The following DIPK1C variants were observed in gnomAD, a reference collection of about 807,000 sequenced individuals.
DIPK1C encodes familial non-conventional Alzheimer's dementia.
In DIPK1C, 33 loss-of-function variants were observed where a neutral mutation model predicts 28.0. The ratio of observed to expected loss-of-function variants is 1.18; its 90% CI spans 0.89 to 1.58. The LOEUF is 1.58. DIPK1C is among the 40% of genes most tolerant of loss of function. The probability of loss-of-function intolerance (pLI) is 0.00; values close to 1 mark genes in which losing one functional copy is unlikely to be tolerated. For synonymous variants in DIPK1C, 255 were observed against 248.8 expected, an observed-to-expected ratio of 1.02 and a Z score of -0.23; for missense variants, 569 against 568.5, an observed-to-expected ratio of 1.00 and a Z score of -0.01.
At chr18:74,455,423 G>A (rs544242134) in intron 1 of DIPK1C, among the ~76,000 whole-genome samples, 1 of 152,018 alleles carries the variant, frequency 6.6e-6, no homozygotes, top group Non-Finnish European at 1.5e-5. Context: ...AGAAAACCAG[G>A]GGGGAAAAAT....
intron 1 of DIPK1C, among the ~76,000 whole-genome samples, chr18:74,456,841 A>C (rs1239712609): frequency 6.6e-6 from 1 of 152,164 alleles, no homozygotes; most frequent in African/African-American, 2.4e-5. Context: ...TCTGGCGAAA[A>C]GGGGAGAGAC....
In DIPK1C at chr18:74,457,107, G is replaced by A; in HGVS notation, c.153C>T (p.Ser51=). The change falls in exon 1 of 4, where the codon TCC becomes TCT. Residue 51 remains serine (S), a synonymous_variant. Coordinates refer to ENST00000343998, the MANE Select transcript of DIPK1C (RefSeq NM_001044369.3). ...GGCTCTTCTCGTCGGTGCAGCGCTC[G>A]GAGAGGACACCCGGGTGCGCGCGGA... ...LLLRAHPGVL[S]ERCTDEKSRR... 1.4e-6 allele frequency: 2 copies of A among 1,467,988 alleles called. No individual in the cohort carries two copies. The highest frequency in any genetic ancestry group is 1.8e-6 in the Non-Finnish European group (2 of 1,118,370). The allele number at this position is 1,467,988 out of a possible 1,614,324, so 90.9% of individuals were successfully genotyped here. A position where few individuals can be genotyped will look rare whatever the true frequency, so the allele number is the denominator to read the frequency against.
At position 74,436,500 on chromosome 18, in the gene DIPK1C, G is replaced by T; in HGVS notation, c.*1C>A. The T allele has an allele frequency of 6.3e-7, 1 of 1,595,364 alleles. No individual in the cohort carries two copies. The highest frequency in any genetic ancestry group is 8.5e-7 in the Non-Finnish European group (1 of 1,171,664). On this transcript the variant is annotated 3_prime_UTR_variant, in exon 4 of 4. Coordinates refer to ENST00000343998, the MANE Select transcript of DIPK1C (RefSeq NM_001044369.3). ...TGAGCATGTTTAAGGCCAGAGAGTG[G>T]CTACTTCTCTGCCTCCTGCAGCTCC... is the stretch of plus-strand genomic sequence containing the variant.
upstream of DIPK1C, among the ~76,000 whole-genome samples, chr18:74,459,496 C>G (rs4892221): frequency 6.6e-6 from 1 of 152,132 alleles, no homozygotes; most frequent in East Asian, 1.9e-4. Context: ...GTTGATACCA[C>G]AGGAAGTTTT....
intron 1 of DIPK1C, among the ~76,000 whole-genome samples, chr18:74,452,020 C>G (rs926425084): frequency 6.6e-6 from 1 of 152,218 alleles, no homozygotes; most frequent in African/African-American, 2.4e-5. Flanking sequence ...AAAATCATCT[C>G]ATACAAAGCC....
intron 1 of DIPK1C, among the ~76,000 whole-genome samples, chr18:74,449,098 G>T (rs1986338972): frequency 6.6e-6 from 1 of 151,630 alleles, no homozygotes; most frequent in Non-Finnish European, 1.5e-5. Context: ...AACAGAGCAA[G>T]AATCTGTCTC....
intron 3 of DIPK1C, among the ~76,000 whole-genome samples, chr18:74,437,726 G>A (rs748550800): frequency 1.2e-4 from 18 of 152,134 alleles, no homozygotes; most frequent in South Asian, 2.1e-4. Flanking sequence ...AGGCTAGACC[G>A]TGATCTCAGG....
At chr18:74,459,916 C>T (rs2144537989), upstream of DIPK1C, among the ~76,000 whole-genome samples, 1 of 152,284 alleles carries the variant, frequency 6.6e-6, no homozygotes. Flanking sequence ...GGCTCCCGAT[C>T]CCTGGGCTGA....
chr18:74,436,162 A>C lies in DIPK1C; in HGVS notation c.*339T>G, dbSNP rs1276700024. 2 of 312,632 alleles carry C rather than the reference A, an allele frequency of 6.4e-6. No homozygotes were observed. The highest frequency in any genetic ancestry group is 1.3e-4 in the East Asian group (2 of 15,868). 19.4% of individuals were successfully genotyped at this position (312,632 alleles called of 1,614,324 possible). A position where few individuals can be genotyped will look rare whatever the true frequency, so the allele number is the denominator to read the frequency against. ...TTTTAACGTGGTAACGATTTACAGGAAAGAACAGCTGGAACTCGTGCTGGG... is the reference window on the plus strand; with the variant it reads ...TTTTAACGTGGTAACGATTTACAGGCAAGAACAGCTGGAACTCGTGCTGGG... On this transcript the variant is annotated 3_prime_UTR_variant, in exon 4 of 4. Transcript: ENST00000343998.
At chr18:74,454,471 T>C (rs1986462989) in intron 1 of DIPK1C, among the ~76,000 whole-genome samples, 1 of 152,218 alleles carries the variant, frequency 6.6e-6, no homozygotes, top group Non-Finnish European at 1.5e-5. Flanking sequence ...CCCCCGCTAC[T>C]GGGGGTGGGG....
In DIPK1C at chr18:74,436,708, G is replaced by A. The variant is rs373904492; in HGVS notation, c.1053C>T (p.Asp351=). 117 of 1,612,504 alleles carry A rather than the reference G, an allele frequency of 7.3e-5. No individual in the cohort carries two copies. The South Asian group carries it at 1.2e-3, about 16-fold the overall frequency. The change falls in exon 4 of 4, where the codon GAC becomes GAT. Residue 351 remains aspartate (D), a synonymous_variant. Coordinates refer to ENST00000343998, the MANE Select transcript of DIPK1C (RefSeq NM_001044369.3). ...CGGAAAACCAATGGCGAAATATTTTGTCACAGATGACCTGAGGGAAAGAAG... is the reference window on the plus strand; with the variant it reads ...CGGAAAACCAATGGCGAAATATTTTATCACAGATGACCTGAGGGAAAGAAG... ...RVNNNLQVIC[D]KIFRHWFSAP...
At chr18:74,459,798 G>A (rs1242788912), upstream of DIPK1C, among the ~76,000 whole-genome samples, 1 of 152,124 alleles carries the variant, frequency 6.6e-6, no homozygotes, top group Admixed American at 6.5e-5. Flanking sequence ...GGAGAAATTT[G>A]CCGTTTCTCC....
upstream of DIPK1C, among the ~76,000 whole-genome samples, chr18:74,460,109 A>AATCTGCTGAAGGGGAGG (rs1405416464): frequency 3.9e-5 from 6 of 152,138 alleles, no homozygotes; most frequent in African/African-American, 1.4e-4. Context: ...ACAAGGGGAG[A>AATCTGCTGAAGGGGAGG]ATCTGCTGAA....
At chr18:74,464,504 A>G in the DIPK1C span, among the ~76,000 whole-genome samples, 2 of 152,250 alleles carry the variant, frequency 1.3e-5, no homozygotes, top group African/African-American at 4.8e-5. Context: ...GCTACCATCA[A>G]TAAACTTACA....
chr18:74,441,634 C>T (rs1986125919), intron 3 of DIPK1C, among the ~76,000 whole-genome samples: 1 of 152,266 alleles, frequency 6.6e-6, no homozygotes, highest in South Asian at 2.1e-4. Context: ...TCTCAGGATT[C>T]TCATAGTGTA....
chr18:74,454,191 G>GA (rs11412987), intron 1 of DIPK1C, among the ~76,000 whole-genome samples: 63,035 of 152,018 alleles, frequency 0.41, 14,251 homozygotes, highest in Middle Eastern at 0.54. Context: ...GTCTGACCAG[G>GA]AAAATCCAAG....
intron 1 of DIPK1C, among the ~76,000 whole-genome samples, chr18:74,453,549 C>T (rs1986443706): frequency 6.6e-6 from 1 of 152,218 alleles, no homozygotes; most frequent in African/African-American, 2.4e-5. Context: ...CCTATTAAAA[C>T]CGAATCTCTA....
chr18:74,447,515 G>A lies in DIPK1C; in HGVS notation c.199-232C>T, dbSNP rs569661412. 3.3e-5 allele frequency among the ~76,000 whole-genome samples: 5 copies of A among 152,190 alleles called. No homozygotes were observed. The highest frequency in any genetic ancestry group is 7.3e-5 in the Non-Finnish European group (5 of 68,030). ...TACACGACTCAGTCAGGCCTAGGACGGGTCTACAGAATCAGGACACCTGCG... is the reference window on the plus strand; with the variant it reads ...TACACGACTCAGTCAGGCCTAGGACAGGTCTACAGAATCAGGACACCTGCG... On this transcript the variant is annotated intron_variant, in intron 1 of 3. Transcript: ENST00000343998. The surrounding 1 kb of genome is among the most constrained non-coding windows in gnomAD (Gnocchi z 4.1).
At chr18:74,459,722 G>A (rs1599045240), upstream of DIPK1C, among the ~76,000 whole-genome samples, 1 of 152,174 alleles carries the variant, frequency 6.6e-6, no homozygotes, top group Non-Finnish European at 1.5e-5. Context: ...GTCCTCCGCT[G>A]GTGGGAAAAT....
Sources: allele counts gnomAD v4.1 joint callset (sites outside exome capture counted in the v4.1 genomes callset), GRCh38; gene constraint gnomAD v4.1.1; non-coding constraint Gnocchi (gnomAD v3.1); transcripts MANE v1.5; gene names NCBI Gene and HGNC (gene_info 2026-07-23, HGNC 2026-07-21).